Variants in TBC1D30 observed in about 807,000 individuals in gnomAD.
TBC1D30 encodes the protein TBC1 domain family, member 30.
TBC1D30 carries 31 observed loss-of-function variants against 63.2 expected under a neutral mutation model. The observed-to-expected ratio is 0.49, with a 90% CI of 0.37 to 0.66. The LOEUF (loss-of-function observed/expected upper bound fraction) is 0.66. Among genes scored for constraint, TBC1D30 ranks in the 30% least tolerant of loss-of-function variants. The probability of loss-of-function intolerance (pLI) is 0.00; values close to 1 mark genes in which losing one functional copy is unlikely to be tolerated. For missense variants in TBC1D30, 810 were observed against 953.6 expected (o/e 0.85, Z 1.98); for synonymous variants, 307 against 361.5 (o/e 0.85, Z 1.71).
intron 2 of TBC1D30, among the ~76,000 whole-genome samples, chr12:64,796,062 CTGAT>C (rs1872244931): frequency 6.6e-6 from 1 of 151,818 alleles, no homozygotes; most frequent in Non-Finnish European, 1.5e-5. Flanking sequence ...ATGAAAGAAA[CTGAT>C]TGAGCTTGCA....
In TBC1D30 at chr12:64,875,989, G is replaced by A. The variant is rs1033995920; in HGVS notation, c.*201G>A. ...TTTTCCCAGCTACTTGCTAACTGAC[G>A]AAGTGGATTCTTGTGGCAAAATAAA... is the stretch of plus-strand genomic sequence containing the variant. On this transcript the variant is annotated 3_prime_UTR_variant, in exon 12 of 12. Transcript: ENST00000539867. 16 of 524,090 alleles carry A rather than the reference G, an allele frequency of 3.1e-5. No homozygotes were observed. The highest frequency in any genetic ancestry group is 7.5e-5 in the South Asian group (2 of 26,560). The allele number at this position is 524,090 out of a possible 1,614,324, so 32.5% of individuals were successfully genotyped here.
chr12:64,770,887 G>A (rs984675374), intron 1 of TBC1D30, among the ~76,000 whole-genome samples: 1 of 124,138 alleles, frequency 8.1e-6, no homozygotes, highest in Non-Finnish European at 1.7e-5. Flanking sequence ...TTTTTTTTTT[G>A]TATTTTAGTG....
intron 2 of TBC1D30, among the ~76,000 whole-genome samples, chr12:64,805,044 T>C (rs1323494234): frequency 1.3e-5 from 2 of 151,804 alleles, no homozygotes; most frequent in African/African-American, 4.8e-5. Flanking sequence ...CTACTAAAAA[T>C]ACAAAAAATG....
chr12:64,833,544 C>T (rs1875060342), intron 5 of TBC1D30, among the ~76,000 whole-genome samples: 1 of 152,186 alleles, frequency 6.6e-6, no homozygotes, highest in Non-Finnish European at 1.5e-5. Context: ...CAACCCCACT[C>T]CCAACAACTT....
At chr12:64,827,493 G>C (rs1314053752) in intron 1 of TBC1D30, among the ~76,000 whole-genome samples, 1 of 152,094 alleles carries the variant, frequency 6.6e-6, no homozygotes, top group Admixed American at 6.6e-5. Flanking sequence ...GACTGAGATA[G>C]GTTAGATAAA....
At chr12:64,840,549 C>A (rs1457676003) in intron 7 of TBC1D30, among the ~76,000 whole-genome samples, 1 of 152,166 alleles carries the variant, frequency 6.6e-6, no homozygotes, top group Non-Finnish European at 1.5e-5. Context: ...AATGAACAGT[C>A]GCTGTTCTAA....
chr12:64,870,725 C>T lies in TBC1D30; in HGVS notation c.1415C>T (p.Thr472Ile). 6.5e-7 allele frequency: 1 copy of T among 1,536,062 alleles called. No homozygotes were observed. The highest frequency in any genetic ancestry group is 8.7e-7 in the Non-Finnish European group (1 of 1,146,892). ...FNSMMMERMT[T>I]DINALKRQYS... Reference sequence around the variant, plus strand: ...AGTATGATGATGGAACGCATGACCACAGATATCAATGCACTGAAGCGGCAG... The same window carrying T: ...AGTATGATGATGGAACGCATGACCATAGATATCAATGCACTGAAGCGGCAG... Residue 472 changes from threonine to isoleucine, a missense_variant, in exon 11 of 12, where the codon ACA becomes ATA. This residue lies in a region of TBC1D30 where 450 missense variants were observed against 473.0 expected (regional missense o/e 0.95). Transcript: ENST00000539867.
chr12:64,866,426 G>A (rs1004938033), intron 9 of TBC1D30, among the ~76,000 whole-genome samples: 19 of 151,952 alleles, frequency 1.3e-4, no homozygotes, highest in African/African-American at 3.6e-4. Flanking sequence ...TATAAATCAC[G>A]TCATTATATA....
At chr12:64,780,951 C>A in exon 1 of TBC1D30, 1 of 1,056,716 alleles carries the variant, frequency 9.5e-7, no homozygotes, top group South Asian at 2.3e-5. Context: ...CTCCGGGGAG[C>A]GGCGGAGCGG....
rs141111909 is a variant in TBC1D30, at chr12:64,880,433, A to T, written c.*4645A>T. 6.6e-6 allele frequency: 1 copy of T among 152,424 alleles called. No homozygotes were observed. The highest frequency in any genetic ancestry group is 1.9e-4 in the East Asian group (1 of 5,190). The allele number at this position is 152,424 out of a possible 1,614,324, so 9.4% of individuals were successfully genotyped here. ...AGAAGTCAAAGATCAACGTGTCTGCAAATTTGGTATCTGGTGAGGAAGGGC... is the reference window on the plus strand; with the variant it reads ...AGAAGTCAAAGATCAACGTGTCTGCTAATTTGGTATCTGGTGAGGAAGGGC... On this transcript the variant is annotated 3_prime_UTR_variant, in exon 12 of 12. Coordinates refer to ENST00000539867, the MANE Select transcript of TBC1D30 (RefSeq NM_015279.2).
At chr12:64,796,367 G>T (rs1176095713) in intron 2 of TBC1D30, among the ~76,000 whole-genome samples, 2 of 152,048 alleles carry the variant, frequency 1.3e-5, no homozygotes, top group Non-Finnish European at 2.9e-5. Flanking sequence ...TGACTCAGGA[G>T]TTTTTTGTTT....
Position 64,866,905 on chromosome 12 carries a change from TA to T in TBC1D30, c.1291+5del. On this transcript the variant is annotated splice_donor_region_variant and intron_variant, in intron 10 of 11. Transcript: ENST00000539867. ...AGAAGTACCAAAAACAAATTAAAGG[TA>T]AAGAGGTGGCTCTTGATTTAGATTA... The T allele has an allele frequency of 6.5e-7, 1 of 1,535,906 alleles. No homozygotes were observed. Among genetic ancestry groups the T allele is most frequent in the Non-Finnish European group, 8.7e-7 (1 of 1,146,864 alleles).
intron 1 of TBC1D30, among the ~76,000 whole-genome samples, chr12:64,826,816 A>T (rs1038273793): frequency 3.3e-5 from 5 of 152,210 alleles, no homozygotes; most frequent in Non-Finnish European, 5.9e-5. Context: ...TCAGGAATTT[A>T]CAGCGCTCTT....
chr12:64,805,071 G>A (rs969313267), intron 2 of TBC1D30, among the ~76,000 whole-genome samples: 4 of 152,056 alleles, frequency 2.6e-5, no homozygotes, highest in South Asian at 2.1e-4. Flanking sequence ...GCTTGGTGGC[G>A]GGGCCTGTAA....
intron 8 of TBC1D30, among the ~76,000 whole-genome samples, chr12:64,859,222 T>C (rs976759633): frequency 6.6e-6 from 1 of 152,134 alleles, no homozygotes; most frequent in African/African-American, 2.4e-5. Flanking sequence ...GTTGATAATA[T>C]ACTGCATAAG....
intron 2 of TBC1D30, among the ~76,000 whole-genome samples, chr12:64,817,504 G>A (rs1057132228): frequency 2.0e-5 from 3 of 152,282 alleles, no homozygotes; most frequent in Non-Finnish European, 4.4e-5. Context: ...CTCTTCACAC[G>A]TCTCCTCATT....
At chr12:64,874,097 C>T (rs903125643) in intron 11 of TBC1D30, among the ~76,000 whole-genome samples, 2 of 151,968 alleles carry the variant, frequency 1.3e-5, no homozygotes, top group South Asian at 2.1e-4. Flanking sequence ...CTTTTTTGTT[C>T]GTTTGTTTTG....
chr12:64,805,989 A>T (rs181379346), intron 2 of TBC1D30, among the ~76,000 whole-genome samples: 14 of 152,310 alleles, frequency 9.2e-5, no homozygotes, highest in African/African-American at 3.4e-4. Context: ...ACTAAAAAAA[A>T]TTAGTTGCAA....
chr12:64,870,353 G>T (rs1262108593), intron 10 of TBC1D30, among the ~76,000 whole-genome samples: 1 of 152,118 alleles, frequency 6.6e-6, no homozygotes, highest in Non-Finnish European at 1.5e-5. Flanking sequence ...CTAACAAACT[G>T]GTAACAAAAT....
Sources: allele counts gnomAD v4.1 joint callset (sites outside exome capture counted in the v4.1 genomes callset), GRCh38; gene constraint gnomAD v4.1.1; regional missense constraint gnomAD v4.1.1; transcripts MANE v1.5; gene names NCBI Gene and HGNC (gene_info 2026-07-23, HGNC 2026-07-21).